The following SSBP3 variants were observed in gnomAD, a reference collection of about 807,000 sequenced individuals.
SSBP3 encodes single stranded DNA binding protein 3, also known as single-stranded DNA-binding protein 3.
Under a neutral mutation model 69.6 loss-of-function variants are expected in SSBP3, and 5 were observed. The ratio of observed to expected loss-of-function variants is 0.07; its 90% CI spans 0.04 to 0.15. SSBP3 has a LOEUF of 0.15. Ranked by LOEUF, SSBP3 falls within the 10% of genes least tolerant of loss-of-function variation. The probability of loss-of-function intolerance (pLI) is 1.00; values close to 1 mark genes in which losing one functional copy is unlikely to be tolerated. For missense variants in SSBP3, 312 were observed against 534.0 expected (o/e 0.58, Z 4.10); for synonymous variants, 196 against 193.4 (o/e 1.01, Z -0.11).
intron 14 of SSBP3, among the ~76,000 whole-genome samples, chr1:54,233,167 G>A (rs1406370495): frequency 4.0e-5 from 6 of 151,626 alleles, no homozygotes; most frequent in Non-Finnish European, 8.8e-5. Flanking sequence ...TCACATCTAG[G>A]AAGTGAGGAG....
At chr1:54,291,828 C>T (rs544330479) in intron 4 of SSBP3, among the ~76,000 whole-genome samples, 12 of 152,380 alleles carry the variant, frequency 7.9e-5, no homozygotes, top group South Asian at 4.1e-4. Flanking sequence ...CAGCCCTCCA[C>T]GCCCAGCTGT....
intron 4 of SSBP3, among the ~76,000 whole-genome samples, chr1:54,347,758 G>T (rs1047638426): frequency 1.3e-5 from 2 of 152,220 alleles, no homozygotes; most frequent in Admixed American, 1.3e-4. Flanking sequence ...TAGGGGCCAA[G>T]GAATGCCAAG....
chr1:54,340,631 G>A (rs1010032108), intron 4 of SSBP3, among the ~76,000 whole-genome samples: 5 of 152,198 alleles, frequency 3.3e-5, no homozygotes, highest in South Asian at 4.1e-4. Flanking sequence ...CATCACCCTC[G>A]GTACCTTTCC....
chr1:54,379,511 G>T (rs1647450147), intron 4 of SSBP3, among the ~76,000 whole-genome samples: 1 of 152,180 alleles, frequency 6.6e-6, no homozygotes. Flanking sequence ...CGCTTGATTT[G>T]TTTTGTTTTG....
At chr1:54,228,262 T>C (rs1247986988) in exon 17 of SSBP3, 2 of 1,613,784 alleles carry the variant, frequency 1.2e-6, no homozygotes, top group Admixed American at 3.3e-5. Context: ...TACATTGTCG[T>C]TCTGAAAGGA....
intron 4 of SSBP3, among the ~76,000 whole-genome samples, chr1:54,282,940 G>T (rs1645423199): frequency 6.6e-6 from 1 of 152,170 alleles, no homozygotes; most frequent in African/African-American, 2.4e-5. Context: ...CCACCTTCAA[G>T]AAGTCACTCT....
intron 4 of SSBP3, among the ~76,000 whole-genome samples, chr1:54,314,135 C>T (rs1646055004): frequency 6.6e-6 from 1 of 152,172 alleles, no homozygotes. Flanking sequence ...CCAAGGGGGG[C>T]TTAGCCAAAC....
intron 1 of SSBP3, chr1:54,413,302 C>T (rs1650039156): frequency 6.6e-6 from 1 of 152,198 alleles, no homozygotes; most frequent in Non-Finnish European, 1.5e-5. Flanking sequence ...TTACCTAACA[C>T]ACAGCCCCCA....
intron 1 of SSBP3, among the ~76,000 whole-genome samples, chr1:54,411,765 G>A (rs890535798): frequency 9.2e-5 from 14 of 151,872 alleles, no homozygotes; most frequent in Admixed American, 4.6e-4. Flanking sequence ...GGTGGCGGGC[G>A]CCTGCAGTCC....
rs151303618 is a variant in SSBP3 at position 54,395,259 on chromosome 1, G to T, written c.276+6602C>A. Among the ~76,000 whole-genome samples the T allele has an allele frequency of 3.7e-3, 557 of 152,322 alleles. 3 individuals are homozygous for T. The highest frequency in any genetic ancestry group is 0.013 in the African/African-American group (534 of 41,572). ...TCTCTCAAGGCCGTCCCCATGGTGGGCTGTGCCAGGACAACCCTTGAGCCT... is the reference window on the plus strand; with the variant it reads ...TCTCTCAAGGCCGTCCCCATGGTGGTCTGTGCCAGGACAACCCTTGAGCCT... On this transcript the variant is annotated intron_variant, in intron 4 of 17. Transcript: ENST00000610401.
chr1:54,272,536 T>C (rs1468188710), intron 5 of SSBP3, among the ~76,000 whole-genome samples: 1 of 148,610 alleles, frequency 6.7e-6, no homozygotes, highest in Non-Finnish European at 1.5e-5. Flanking sequence ...GCTGAGAAGG[T>C]AGGTGGGGAC....
intron 4 of SSBP3, among the ~76,000 whole-genome samples, chr1:54,372,267 G>A (rs564320265): frequency 1.9e-4 from 29 of 152,334 alleles, no homozygotes; most frequent in African/African-American, 6.3e-4. Flanking sequence ...CATGTTGAAA[G>A]CACTGAGAAC....
At chr1:54,269,605 G>A (rs764822352) in intron 5 of SSBP3, among the ~76,000 whole-genome samples, 18 of 152,230 alleles carry the variant, frequency 1.2e-4, no homozygotes, top group Non-Finnish European at 1.0e-4. Flanking sequence ...TTGGGCCAAG[G>A]AAAGGGCAAG....
intron 3 of SSBP3, among the ~76,000 whole-genome samples, chr1:54,403,951 C>T: frequency 6.8e-6 from 1 of 147,872 alleles, no homozygotes; most frequent in East Asian, 2.0e-4. Context: ...CCCCTAACTG[C>T]AGACACTGCG....
chr1:54,409,516 AG>A (rs748010455), upstream of SSBP3, among the ~76,000 whole-genome samples: 129 of 152,012 alleles, frequency 8.5e-4, no homozygotes, highest in Admixed American at 2.1e-3. Context: ...CGAGAGAGAG[AG>A]GGAAAACTCA....
intron 4 of SSBP3, among the ~76,000 whole-genome samples, chr1:54,315,757 G>T (rs908131902): frequency 1.3e-5 from 2 of 152,022 alleles, no homozygotes; most frequent in Non-Finnish European, 2.9e-5. Flanking sequence ...AAACCCCCAA[G>T]CTCAAGCAAT....
upstream of SSBP3, among the ~76,000 whole-genome samples, chr1:54,406,982 T>C (rs973113533): frequency 4.6e-5 from 7 of 151,084 alleles, no homozygotes; most frequent in Non-Finnish European, 1.5e-5. Flanking sequence ...CGGGCCTCCC[T>C]CTCGCCCAGT....
At chr1:54,228,693 C>T in intron 15 of SSBP3, 55 bp downstream of exon 15, 1 of 1,540,782 alleles carries the variant, frequency 6.5e-7, no homozygotes, top group South Asian at 1.2e-5. Context: ...GGAGCTGAGG[C>T]ACAGAGCTGG....
intron 4 of SSBP3, among the ~76,000 whole-genome samples, chr1:54,315,832 T>G (rs865980985): frequency 7.2e-5 from 11 of 152,140 alleles, no homozygotes; most frequent in African/African-American, 2.6e-4. Flanking sequence ...CAGCTGATTT[T>G]TTTTTCTTTG....
Sources: allele counts gnomAD v4.1 joint callset (sites outside exome capture counted in the v4.1 genomes callset), GRCh38; gene constraint gnomAD v4.1.1; transcripts MANE v1.5; gene names NCBI Gene and HGNC (gene_info 2026-07-23, HGNC 2026-07-21).